The following ANKRD31 variants were observed in gnomAD, a reference collection of about 807,000 sequenced individuals.
ANKRD31 encodes the protein ankyrin repeat domain-containing protein 31.
ANKRD31 carries 147 observed loss-of-function variants against 186.0 expected under a neutral mutation model. That is an observed-to-expected ratio of 0.79 (90% CI 0.69 to 0.91). The LOEUF (loss-of-function observed/expected upper bound fraction) is 0.91. ANKRD31 is among the 40% of genes least tolerant of loss of function. ANKRD31 has a pLI of 0.00. For missense variants in ANKRD31, 1,986 were observed against 2,148.8 expected (o/e 0.92, Z 1.50); for synonymous variants, 673 against 736.4 (o/e 0.91, Z 1.39).
intron 17 of ANKRD31, among the ~76,000 whole-genome samples, chr5:75,134,047 C>T (rs879026552): frequency 2.6e-5 from 4 of 151,872 alleles, no homozygotes; most frequent in Admixed American, 1.3e-4. Context: ...GCACTAAATG[C>T]CCACAAGAGA....
At chr5:75,154,828 C>T (rs78234693) in intron 11 of ANKRD31, among the ~76,000 whole-genome samples, 3,954 of 152,122 alleles carry the variant, frequency 0.026, 154 homozygotes, top group African/African-American at 0.09. Flanking sequence ...TGTGCTGCCG[C>T]TGCTCCTCCT....
intron 3 of ANKRD31, among the ~76,000 whole-genome samples, chr5:75,213,996 G>A (rs1194033432): frequency 1.3e-5 from 2 of 152,280 alleles, no homozygotes; most frequent in East Asian, 1.9e-4. Flanking sequence ...TTCAATAAGC[G>A]TTTGAAGTAC....
At position 75,105,136 on chromosome 5, in the gene ANKRD31, C is replaced by G. The variant is rs1432882104; in HGVS notation, c.4423G>C (p.Val1475Leu). The G allele has an allele frequency of 2.6e-6, 4 of 1,536,824 alleles. No individual in the cohort carries two copies. In the African/African-American group the frequency reaches 4.1e-5, roughly 16 times the overall value. Residue 1475 changes from valine (V) to leucine (L), a missense_variant, in exon 22 of 26, where the codon GTG (valine) becomes CTG (leucine). Val to Leu is a conservative substitution (Grantham distance 32, BLOSUM62 1). Transcript: ENST00000506364. ...CTTATTTTTTTCTGTTTTTTTGCCA[C>G]AACTAAAAGGCTCTTCTGTCTTGCA... Reference protein sequence around the residue: ...LAARQKSLLVVAKKQKKISLK... With the variant: ...LAARQKSLLVLAKKQKKISLK...
chr5:75,161,188 A>T (rs939303764), intron 11 of ANKRD31, among the ~76,000 whole-genome samples: 10 of 152,296 alleles, frequency 6.6e-5, no homozygotes, highest in African/African-American at 2.4e-4. Context: ...CTCCCTAGAG[A>T]CTTGTTGAAT....
intron 10 of ANKRD31, among the ~76,000 whole-genome samples, chr5:75,175,603 A>T (rs1264077580): frequency 6.6e-6 from 1 of 151,914 alleles, no homozygotes; most frequent in African/African-American, 2.4e-5. Flanking sequence ...CAAATGGCAT[A>T]TTTAAGATTT....
chr5:75,102,058 T>C (rs925396375), intron 22 of ANKRD31, among the ~76,000 whole-genome samples: 1 of 152,236 alleles, frequency 6.6e-6, no homozygotes, highest in Admixed American at 6.5e-5. Flanking sequence ...CCCATCTTTG[T>C]GGTTTTATCT....
rs187819521 is a variant in ANKRD31 at position 75,214,190 on chromosome 5, T to A, written c.289-3325A>T. Among the ~76,000 whole-genome samples the A allele has an allele frequency of 4.1e-4, 63 of 152,354 alleles. No individual in the cohort carries two copies. In the East Asian group the frequency reaches 9.8e-3, roughly 24 times the overall value. ...GCTTCAGTATTCTTAAATGTTGACA[T>A]CCACTCACTAGGATCTAAACACAAT... On this transcript the variant is annotated intron_variant, in intron 3 of 25. Transcript: ENST00000506364.
chr5:75,138,008 G>GAC lies in ANKRD31; in HGVS notation c.3734-11_3734-10insGT. The GAC allele has an allele frequency of 2.3e-6, 3 of 1,299,352 alleles. No individual in the cohort carries two copies. The highest frequency in any genetic ancestry group is 9.6e-7 in the Non-Finnish European group (1 of 1,044,258). The allele number at this position is 1,299,352 out of a possible 1,614,324, so 80.5% of individuals were successfully genotyped here. ...TGAAGTGGTGTCCAACCTAAAAAAA[G>GAC]AAAAAGAAAAAAAAAAACCCTGCTT... On this transcript the variant is annotated splice_polypyrimidine_tract_variant and intron_variant, in intron 16 of 25. Coordinates refer to ENST00000506364, the MANE Select transcript of ANKRD31 (RefSeq NM_001372053.1).
intron 22 of ANKRD31, among the ~76,000 whole-genome samples, chr5:75,095,445 G>C (rs1746245298): frequency 6.6e-6 from 1 of 151,272 alleles, no homozygotes; most frequent in Admixed American, 6.6e-5. Flanking sequence ...CTGCACTCCA[G>C]TCTGGGCCAC....
At chr5:75,148,153 T>C (rs989048628) in intron 13 of ANKRD31, among the ~76,000 whole-genome samples, 1 of 151,788 alleles carries the variant, frequency 6.6e-6, no homozygotes, top group Non-Finnish European at 1.5e-5. Context: ...CTGGTCTGTA[T>C]GAAAAAATTA....
At chr5:75,158,014 C>T (rs961598687) in intron 11 of ANKRD31, among the ~76,000 whole-genome samples, 3 of 151,864 alleles carry the variant, frequency 2.0e-5, no homozygotes, top group Admixed American at 6.6e-5. Context: ...AGGAGATTAG[C>T]GAATAGATAG....
chr5:75,162,669 G>A (rs1162065984), intron 11 of ANKRD31, among the ~76,000 whole-genome samples: 1 of 152,104 alleles, frequency 6.6e-6, no homozygotes, highest in African/African-American at 2.4e-5. Flanking sequence ...CTCTTGAATT[G>A]TACTCCCATA....
intron 22 of ANKRD31, among the ~76,000 whole-genome samples, chr5:75,102,240 G>C (rs1746953391): frequency 1.3e-5 from 2 of 152,318 alleles, no homozygotes; most frequent in African/African-American, 4.8e-5. Context: ...AGAGGCTGCA[G>C]AGCAGCCAAT....
intron 20 of ANKRD31, among the ~76,000 whole-genome samples, chr5:75,109,048 A>G (rs1450801393): frequency 6.6e-6 from 1 of 152,220 alleles, no homozygotes; most frequent in Admixed American, 6.5e-5. Context: ...AAGAGAATCT[A>G]GAATTGTCCT....
chr5:75,131,368 T>A (rs6862754), intron 17 of ANKRD31, among the ~76,000 whole-genome samples: 1 of 151,924 alleles, frequency 6.6e-6, no homozygotes, highest in East Asian at 1.9e-4. Context: ...TTATATCCTG[T>A]GCATGGGTCA....
At position 75,068,309 on chromosome 5, in the gene ANKRD31, C is replaced by A. The variant is rs1420120549; in HGVS notation, c.*210G>T. The A allele has an allele frequency of 4.6e-6, 2 of 432,176 alleles. No individual in the cohort carries two copies. The highest frequency in any genetic ancestry group is 7.7e-6 in the Non-Finnish European group (2 of 258,988). The allele number at this position is 432,176 out of a possible 1,614,324, so 26.8% of individuals were successfully genotyped here. A position where few individuals can be genotyped will look rare whatever the true frequency, so the allele number is the denominator to read the frequency against. ...GAGAGCCAATCAATATGGTCTAGTT[C>A]AAATGTGCCTTTATTTCAATGGCAA... is the stretch of plus-strand genomic sequence containing the variant. On this transcript the variant is annotated 3_prime_UTR_variant, in exon 26 of 26. Coordinates refer to ENST00000506364, the MANE Select transcript of ANKRD31 (RefSeq NM_001372053.1).
At chr5:75,135,636 T>C (rs1282083773) in intron 17 of ANKRD31, among the ~76,000 whole-genome samples, 1 of 152,146 alleles carries the variant, frequency 6.6e-6, no homozygotes, top group Non-Finnish European at 1.5e-5. Context: ...AAGCTACCAA[T>C]GACTTTCTTC....
chr5:75,147,246 G>T lies in ANKRD31; in HGVS notation c.2165C>A (p.Thr722Lys), dbSNP rs1156412183. ...GNLHNVKDPN[T>K]NVPKGIGRRK... ...TCTTCCTATACCTTTTGGTACGTTT[G>T]TGTTGGGATCTTTGACGTTATGGAG... The change falls in exon 14 of 26, where the codon ACA (threonine) becomes AAA (lysine). Residue 722 changes from threonine (T) to lysine (K), a missense_variant. Coordinates refer to ENST00000506364, the MANE Select transcript of ANKRD31 (RefSeq NM_001372053.1). 2.0e-6 allele frequency: 3 copies of T among 1,536,072 alleles called. No individual in the cohort carries two copies. The highest frequency in any genetic ancestry group is 3.9e-5 in the Admixed American group (2 of 50,874).
At chr5:75,191,420 T>C (rs1489751402) in intron 9 of ANKRD31, among the ~76,000 whole-genome samples, 1 of 152,078 alleles carries the variant, frequency 6.6e-6, no homozygotes, top group Non-Finnish European at 1.5e-5. Flanking sequence ...TCTCATACTA[T>C]GGAGAAAAGG....
Sources: gnomAD v4.1 joint callset for allele counts (sites outside exome capture counted in the v4.1 genomes callset) on GRCh38, gnomAD v4.1.1 for gene constraint, MANE v1.5 for transcripts, NCBI Gene and HGNC (gene_info 2026-07-23, HGNC 2026-07-21) for gene names.